The following GALNT10 variants were observed in gnomAD, a reference collection of about 807,000 sequenced individuals.
GALNT10 encodes the protein polypeptide N-acetylgalactosaminyltransferase 10.
A neutral mutation model predicts 75.0 loss-of-function variants in GALNT10; 41 were observed. The observed-to-expected ratio is 0.55, with a 90% confidence interval of 0.43 to 0.71. GALNT10 has a LOEUF of 0.71. Ranked by LOEUF, GALNT10 falls within the 30% of genes least tolerant of loss-of-function variation. The pLI is 0.00. For missense variants in GALNT10, 727 were observed against 818.5 expected, an observed-to-expected ratio of 0.89 and a Z score of 1.36; for synonymous variants, 302 against 313.0, an observed-to-expected ratio of 0.96 and a Z score of 0.37.
At chr5:154,329,827 A>G (rs1162209496) in intron 4 of GALNT10, 89 bp downstream of exon 4, 7 of 862,516 alleles carry the variant, frequency 8.1e-6, no homozygotes, top group South Asian at 4.7e-5. Flanking sequence ...CTTTAGCAGC[A>G]TCAACATATA....
chr5:154,362,757 G>A (rs1755412706), intron 4 of GALNT10, among the ~76,000 whole-genome samples: 1 of 152,138 alleles, frequency 6.6e-6, no homozygotes, highest in Non-Finnish European at 1.5e-5. Flanking sequence ...AATTCTTCCG[G>A]TGATGGACAA....
intron 4 of GALNT10, among the ~76,000 whole-genome samples, chr5:154,364,967 G>C (rs1755453426): frequency 6.6e-6 from 1 of 152,166 alleles, no homozygotes; most frequent in Non-Finnish European, 1.5e-5. Flanking sequence ...ACTTGATAGG[G>C]GTGGTTTCTG....
At chr5:154,246,494 T>A (rs1000009747) in intron 1 of GALNT10, among the ~76,000 whole-genome samples, 1 of 152,200 alleles carries the variant, frequency 6.6e-6, no homozygotes, top group Non-Finnish European at 1.5e-5. Flanking sequence ...TTTTAATGAT[T>A]GCCATTCTAA....
In GALNT10 at chr5:154,335,141, G is replaced by A. The variant is rs145443744; in HGVS notation, c.568+5403G>A. Among the ~76,000 whole-genome samples the A allele has an allele frequency of 9.2e-5, 14 of 152,212 alleles. No homozygotes were observed. In the East Asian group the frequency reaches 1.7e-3, roughly 19 times the overall value. ...TACAGTTTATTGCTTGGGTTCTTTCGCCTTTTTGAGTTCTTTTGCTGCTTA... is the reference window on the plus strand; with the variant it reads ...TACAGTTTATTGCTTGGGTTCTTTCACCTTTTTGAGTTCTTTTGCTGCTTA... On this transcript the variant is annotated intron_variant, in intron 4 of 11. Coordinates refer to ENST00000297107, the MANE Select transcript of GALNT10 (RefSeq NM_198321.4).
chr5:154,377,021 G>C (rs927846482), intron 5 of GALNT10, among the ~76,000 whole-genome samples: 8 of 152,218 alleles, frequency 5.3e-5, no homozygotes, highest in African/African-American at 1.7e-4. Context: ...GGGCTCCAAA[G>C]TCTATTCTCC....
intron 1 of GALNT10, among the ~76,000 whole-genome samples, chr5:154,241,161 G>A (rs185088236): frequency 1.3e-5 from 2 of 152,170 alleles, no homozygotes; most frequent in Admixed American, 6.5e-5. Context: ...TGGAAAGAAT[G>A]TGCTATTGCC....
At position 154,409,669 on chromosome 5, in the gene GALNT10, C is replaced by T. The variant is rs1756356828; in HGVS notation, c.1293C>T (p.Asn431=). 3.7e-6 allele frequency: 6 copies of T among 1,614,118 alleles called. No homozygotes were observed. The highest frequency in any genetic ancestry group is 1.3e-5 in the African/African-American group (1 of 75,048). The change falls in exon 9 of 12, where the codon AAC becomes AAT. Residue 431 remains asparagine (N), a synonymous_variant. Coordinates refer to ENST00000297107, the MANE Select transcript of GALNT10 (RefSeq NM_198321.4). The surrounding 1 kb of genome is among the most constrained non-coding windows in gnomAD (Gnocchi z 4.5). ...AGAAAAAGCTCCGCAGCTCCCTTAA[C>T]TGCAAGAGTTTCAAGTGGTTTATGA... ...AVQKKLRSSL[N]CKSFKWFMTK... is the part of the protein sequence containing the mutation.
intron 1 of GALNT10, among the ~76,000 whole-genome samples, chr5:154,210,395 C>T (rs1201337473): frequency 6.6e-6 from 1 of 152,052 alleles, no homozygotes; most frequent in Non-Finnish European, 1.5e-5. Flanking sequence ...TACACACACA[C>T]ACACACACAC....
intron 1 of GALNT10, among the ~76,000 whole-genome samples, chr5:154,218,442 C>G (rs1278744470): frequency 1.3e-5 from 2 of 152,192 alleles, no homozygotes; most frequent in Non-Finnish European, 2.9e-5. Context: ...CTCAAGCTCT[C>G]TGGGCCTTGG....
chr5:154,330,954 C>T (rs1191245565), intron 4 of GALNT10, among the ~76,000 whole-genome samples: 2 of 112,258 alleles, frequency 1.8e-5, no homozygotes, highest in African/African-American at 7.7e-5. Context: ...TGTGTGTAGA[C>T]ATTTAACTCA....
chr5:154,261,972 A>C (rs1228255643), intron 1 of GALNT10, among the ~76,000 whole-genome samples: 1 of 152,142 alleles, frequency 6.6e-6, no homozygotes, highest in Non-Finnish European at 1.5e-5. Flanking sequence ...GGGATGAAGG[A>C]GATAGCATGT....
intron 4 of GALNT10, among the ~76,000 whole-genome samples, chr5:154,334,643 C>T (rs997579423): frequency 3.3e-5 from 5 of 152,122 alleles, no homozygotes; most frequent in East Asian, 3.8e-4. Flanking sequence ...AGAGGCTGCC[C>T]GGAATGATGA....
chr5:154,379,456 G>T (rs562643459), intron 5 of GALNT10, among the ~76,000 whole-genome samples: 130 of 152,346 alleles, frequency 8.5e-4, no homozygotes, highest in Non-Finnish European at 1.6e-3. Context: ...GCAGCTGCTG[G>T]CTGCCCTGGC....
At chr5:154,249,378 G>A (rs912775454) in intron 1 of GALNT10, among the ~76,000 whole-genome samples, 13 of 152,144 alleles carry the variant, frequency 8.5e-5, no homozygotes, top group Admixed American at 6.5e-5. Flanking sequence ...CAGAGACAAA[G>A]CAGGCAAATG....
intron 4 of GALNT10, among the ~76,000 whole-genome samples, chr5:154,369,040 C>A (rs1184878256): frequency 6.6e-6 from 1 of 152,190 alleles, no homozygotes; most frequent in African/African-American, 2.4e-5. Flanking sequence ...GACTCATTTT[C>A]TCTTTGTCTA....
At position 154,412,944 on chromosome 5, in the gene GALNT10, C is replaced by T. The variant is rs201408248; in HGVS notation, c.1442C>T (p.Ser481Phe). The change falls in exon 10 of 12, where the codon TCC becomes TTC. Residue 481 changes from serine (S) to phenylalanine (F), a missense_variant. By Grantham distance (155) the Ser-to-Phe change is radical. Coordinates refer to ENST00000297107, the MANE Select transcript of GALNT10 (RefSeq NM_198321.4). This position sits in a 1 kb window ranked among gnomAD's most constrained non-coding sequence, Gnocchi z 4.2. The stretch of plus-strand genomic sequence containing the variant: ...GACACAAAGCACGGGGCCTTGGGCT[C>T]CCCACTAAGGCTAGAGGGCTGCGTC... ...CADTKHGALG[S>F]PLRLEGCVRG... is the part of the protein sequence containing the mutation. 5 of 1,613,540 alleles carry T rather than the reference C, an allele frequency of 3.1e-6. No individual in the cohort carries two copies. Among genetic ancestry groups the T allele is most frequent in the Non-Finnish European group, 4.2e-6 (5 of 1,179,758 alleles).
At chr5:154,333,206 A>G (rs1754893286) in intron 4 of GALNT10, among the ~76,000 whole-genome samples, 1 of 152,190 alleles carries the variant, frequency 6.6e-6, no homozygotes, top group Admixed American at 6.5e-5. Context: ...TGTGTAACTC[A>G]ACCTGCTCAT....
At chr5:154,359,788 T>C (rs1455331917) in intron 4 of GALNT10, among the ~76,000 whole-genome samples, 1 of 150,948 alleles carries the variant, frequency 6.6e-6, no homozygotes, top group African/African-American at 2.4e-5. Context: ...TATTTTATTA[T>C]ATCAAGTATG....
rs1561690176 is a variant in GALNT10, at chr5:154,419,217, GATTT to G, written c.*2250_*2253del. 1 of 151,952 alleles carries G rather than the reference GATTT, an allele frequency of 6.6e-6. No individual in the cohort carries two copies. The highest frequency in any genetic ancestry group is 1.5e-5 in the Non-Finnish European group (1 of 68,024). The allele number at this position is 151,952 out of a possible 1,614,324, so 9.4% of individuals were successfully genotyped here. On this transcript the variant is annotated 3_prime_UTR_variant, in exon 12 of 12. Transcript: ENST00000297107. ...GATGTCCCCCAAGGGTGACAGGTCA[GATTT>G]ATTTCAGTCAGTGCAAGTCACACTC...
Sources: allele counts gnomAD v4.1 joint callset (sites outside exome capture counted in the v4.1 genomes callset), GRCh38; gene constraint gnomAD v4.1.1; non-coding constraint Gnocchi (gnomAD v3.1); transcripts MANE v1.5; gene names NCBI Gene and HGNC (gene_info 2026-07-23, HGNC 2026-07-21).